The following CDKL2 variants were observed in gnomAD, a reference collection of about 807,000 sequenced individuals.
The protein encoded by CDKL2 is cyclin-dependent kinase-like 2.
A neutral mutation model predicts 63.9 loss-of-function variants in CDKL2; 64 were observed. That is an observed-to-expected ratio of 1.00 (90% confidence interval 0.82 to 1.23). The LOEUF is 1.23. Among genes scored for constraint, CDKL2 ranks in the 50% most tolerant of loss-of-function variants. CDKL2 has a pLI of 0.00. For synonymous variants in CDKL2, 211 were observed against 229.2 expected (o/e 0.92, Z 0.72); for missense variants, 656 against 668.0 (o/e 0.98, Z 0.20).
At chr4:75,588,321 A>T (rs1728565687) in intron 12 of CDKL2, among the ~76,000 whole-genome samples, 1 of 152,140 alleles carries the variant, frequency 6.6e-6, no homozygotes, top group Admixed American at 6.5e-5. Context: ...AATAACACCA[A>T]CTTATTAAAC....
intron 13 of CDKL2, among the ~76,000 whole-genome samples, chr4:75,581,092 A>G (rs1011499993): frequency 2.0e-5 from 3 of 152,226 alleles, no homozygotes; most frequent in African/African-American, 7.2e-5. Flanking sequence ...AATATTGCCA[A>G]GTATAATCAT....
intron 3 of CDKL2, 57 bp downstream of exon 3, chr4:75,614,198 T>G: frequency 1.8e-6 from 2 of 1,122,758 alleles, no homozygotes; most frequent in Non-Finnish European, 2.6e-6. Flanking sequence ...ATAAGACAGA[T>G]TAAAGGATTA....
At chr4:75,602,895 G>T (rs1353556664) in intron 6 of CDKL2, among the ~76,000 whole-genome samples, 1 of 151,480 alleles carries the variant, frequency 6.6e-6, no homozygotes, top group African/African-American at 2.4e-5. Flanking sequence ...AATGTTAAAC[G>T]TAAAAATCAT....
intron 3 of CDKL2, among the ~76,000 whole-genome samples, chr4:75,612,137 A>AT (rs1365697266): frequency 3.5e-4 from 52 of 149,582 alleles, no homozygotes; most frequent in Admixed American, 3.5e-3. Flanking sequence ...TGCCCGGCTA[A>AT]TTTTTTTATA....
chr4:75,625,465 G>A (rs985281846), intron 2 of CDKL2, among the ~76,000 whole-genome samples: 2 of 151,986 alleles, frequency 1.3e-5, no homozygotes, highest in African/African-American at 4.8e-5. Context: ...GCATATTTGA[G>A]GGGAAAAAAG....
In CDKL2 at chr4:75,627,592, T is replaced by C. The variant is rs1382593339; in HGVS notation, c.-29-1575A>G. ...GGCCTGAATTTAGTTTTAATAAAGATCAACTTTTTTGTTACACTGGATTTA... is the reference window on the plus strand; with the variant it reads ...GGCCTGAATTTAGTTTTAATAAAGACCAACTTTTTTGTTACACTGGATTTA... On this transcript the variant is annotated intron_variant, in intron 1 of 13. Coordinates refer to ENST00000307465, the MANE Select transcript of CDKL2 (RefSeq NM_001330724.2). 3.3e-5 allele frequency among the ~76,000 whole-genome samples: 5 copies of C among 152,198 alleles called. No individual in the cohort carries two copies. In the East Asian group the frequency reaches 9.7e-4, roughly 29 times the overall value.
intron 3 of CDKL2, among the ~76,000 whole-genome samples, chr4:75,613,680 C>G (rs1729799634): frequency 6.6e-6 from 1 of 152,218 alleles, no homozygotes; most frequent in Non-Finnish European, 1.5e-5. Context: ...AACAAATACA[C>G]AGACCCTTGG....
In CDKL2 at chr4:75,614,353, C is replaced by A. The variant is rs929652133; in HGVS notation, c.265G>T (p.Asp89Tyr). 1 of 1,611,264 alleles carries A rather than the reference C, an allele frequency of 6.2e-7. No homozygotes were observed. Among genetic ancestry groups the A allele is most frequent in the East Asian group, 2.2e-5 (1 of 44,774 alleles). The change falls in exon 3 of 14, where the codon GAT (aspartate) becomes TAT (tyrosine). Residue 89 changes from aspartate (D) to tyrosine (Y), a missense_variant. Transcript: ENST00000307465. ...CCATTTGGAAAGAGCTCCAAGTCAT[C>A]AAGAATTGTGTGGTCAACAAATTCA... Reference protein sequence around the residue: ...VFEFVDHTILDDLELFPNGLD... With the variant: ...VFEFVDHTILYDLELFPNGLD...
intron 12 of CDKL2, among the ~76,000 whole-genome samples, chr4:75,586,210 C>A (rs966973844): frequency 2.1e-5 from 3 of 145,838 alleles, no homozygotes; most frequent in African/African-American, 7.7e-5. Flanking sequence ...AATTAGAAAA[C>A]GTTTGGACTA....
At chr4:75,598,696 T>G (rs1233089167) in intron 7 of CDKL2, among the ~76,000 whole-genome samples, 1 of 152,022 alleles carries the variant, frequency 6.6e-6, no homozygotes, top group Non-Finnish European at 1.5e-5. Flanking sequence ...TTTTTTATGG[T>G]CTGTGTGACA....
At chr4:75,592,552 A>C (rs1269549962) in intron 10 of CDKL2, among the ~76,000 whole-genome samples, 1 of 152,172 alleles carries the variant, frequency 6.6e-6, no homozygotes, top group East Asian at 1.9e-4. Context: ...CAAGTAGTAA[A>C]AGGTTAAAAG....
At chr4:75,628,900 G>T (rs1044487236) in intron 1 of CDKL2, among the ~76,000 whole-genome samples, 13 of 151,856 alleles carry the variant, frequency 8.6e-5, no homozygotes, top group Non-Finnish European at 1.8e-4. Flanking sequence ...GATCTTGAGG[G>T]GTGGGAAATG....
chr4:75,602,429 C>T (rs1173587039), intron 6 of CDKL2, among the ~76,000 whole-genome samples: 1 of 152,046 alleles, frequency 6.6e-6, no homozygotes, highest in Non-Finnish European at 1.5e-5. Context: ...CCACGTGCCT[C>T]GGCCGCCCAA....
intron 2 of CDKL2, 26 bp from the exon 3 acceptor site, chr4:75,614,475 T>C (rs1185255214): frequency 4.8e-6 from 7 of 1,469,326 alleles, no homozygotes; most frequent in African/African-American, 2.8e-5. Context: ...GCAAAATAGC[T>C]GTTATTTAAA....
intron 2 of CDKL2, among the ~76,000 whole-genome samples, chr4:75,620,283 C>G (rs2148909629): frequency 6.6e-6 from 1 of 152,070 alleles, no homozygotes; most frequent in East Asian, 1.9e-4. Context: ...AATAAGACAC[C>G]ATAAGTAAGA....
chr4:75,610,806 T>G (rs1729654351), intron 3 of CDKL2, among the ~76,000 whole-genome samples: 1 of 152,182 alleles, frequency 6.6e-6, no homozygotes, highest in African/African-American at 2.4e-5. Flanking sequence ...CTCATCCTTA[T>G]GTGTACATAT....
intron 10 of CDKL2, among the ~76,000 whole-genome samples, chr4:75,595,367 T>C (rs62320982): frequency 0.24 from 35,994 of 151,814 alleles, 4,634 homozygotes; most frequent in Middle Eastern, 0.36. Flanking sequence ...TGTGCCACCA[T>C]ACCCAGCTAA....
chr4:75,591,994 C>T, intron 11 of CDKL2, 69 bp from the exon 12 acceptor site: 1 of 1,364,900 alleles, frequency 7.3e-7, no homozygotes, highest in Non-Finnish European at 1.0e-6. Context: ...TTTTCACATT[C>T]TCTACGTGTT....
Position 75,591,944 on chromosome 4 carries a change from A to G in CDKL2, c.1541-19T>C. On this transcript the variant is annotated intron_variant, in intron 11 of 13. Coordinates refer to ENST00000307465, the MANE Select transcript of CDKL2 (RefSeq NM_001330724.2). ...TTTCGAGCTAGATAGAAATGACCAT[A>G]AACACAGTGAAAATATTAGACATTT... The G allele has an allele frequency of 6.6e-7, 1 of 1,508,624 alleles. No homozygotes were observed. The highest frequency in any genetic ancestry group is 8.9e-7 in the Non-Finnish European group (1 of 1,123,002). The allele number at this position is 1,508,624 out of a possible 1,614,324, so 93.5% of individuals were successfully genotyped here.
Sources: gnomAD v4.1 joint callset for allele counts (sites outside exome capture counted in the v4.1 genomes callset) on GRCh38, gnomAD v4.1.1 for gene constraint, MANE v1.5 for transcripts, NCBI Gene and HGNC (gene_info 2026-07-23, HGNC 2026-07-21) for gene names.